Variants in RASSF8 observed in about 807,000 individuals in gnomAD.
RASSF8 encodes Ras association domain family member 8, also known as ras association domain-containing protein 8.
Under a neutral mutation model 48.5 loss-of-function variants are expected in RASSF8, and 22 were observed. The ratio of observed to expected loss-of-function variants is 0.45; its 90% CI spans 0.32 to 0.65. RASSF8 has a LOEUF of 0.65. RASSF8 is among the 30% of genes least tolerant of loss of function. The probability of loss-of-function intolerance (pLI) is 0.03; values close to 1 mark genes in which losing one functional copy is unlikely to be tolerated. For synonymous variants in RASSF8, 127 were observed against 171.5 expected, an observed-to-expected ratio of 0.74 and a Z score of 2.03; for missense variants, 418 against 489.2, an observed-to-expected ratio of 0.85 and a Z score of 1.37.
At position 26,071,509 on chromosome 12, in the gene RASSF8, A is replaced by T. The variant is rs1943999864; in HGVS notation, c.*2691A>T. ...TTACCAAGAAATAATTTGGAATAGC[A>T]TTGGTATATTTGACCTTTTGAGTGT... On this transcript the variant is annotated 3_prime_UTR_variant, in exon 6 of 6. Transcript: ENST00000689635. 2 of 966,730 alleles carry T rather than the reference A, an allele frequency of 2.1e-6. No individual in the cohort carries two copies. Among genetic ancestry groups the T allele is most frequent in the Non-Finnish European group, 2.5e-6 (2 of 812,934 alleles). 59.9% of individuals were successfully genotyped at this position (966,730 alleles called of 1,614,324 possible).
downstream of RASSF8, among the ~76,000 whole-genome samples, chr12:26,073,746 T>TCTCTACAC (rs10678881): frequency 2.4e-4 from 11 of 46,404 alleles, no homozygotes; most frequent in African/African-American, 8.9e-4. Context: ...TCTCTCTCTC[T>TCTCTACAC]ATACACACAC....
chr12:26,038,902 C>A (rs1334143329), intron 2 of RASSF8, among the ~76,000 whole-genome samples: 1 of 152,218 alleles, frequency 6.6e-6, no homozygotes, highest in Non-Finnish European at 1.5e-5. Context: ...GGTACATGCA[C>A]AGATATTTAT....
At chr12:26,043,327 T>G (rs1247093327) in intron 2 of RASSF8, among the ~76,000 whole-genome samples, 1 of 150,670 alleles carries the variant, frequency 6.6e-6, no homozygotes, top group Non-Finnish European at 1.5e-5. Flanking sequence ...CTTGGGAGAG[T>G]GATAGATTGA....
intron 2 of RASSF8, among the ~76,000 whole-genome samples, chr12:26,052,332 G>T (rs2137222606): frequency 6.6e-6 from 1 of 152,256 alleles, no homozygotes; most frequent in Non-Finnish European, 1.5e-5. Flanking sequence ...ACAATAAATG[G>T]TTCTTAGCTA....
chr12:26,057,533 G>A (rs1943633464), intron 3 of RASSF8, among the ~76,000 whole-genome samples: 1 of 152,140 alleles, frequency 6.6e-6, no homozygotes, highest in South Asian at 2.1e-4. Flanking sequence ...ATCATTGATG[G>A]ACACTTGGGT....
chr12:26,003,665 A>T (rs1942315599), intron 2 of RASSF8, among the ~76,000 whole-genome samples: 1 of 152,188 alleles, frequency 6.6e-6, no homozygotes, highest in South Asian at 2.1e-4. Flanking sequence ...TAAAGTGTTA[A>T]TGATGATTTT....
At position 26,069,182 on chromosome 12, in the gene RASSF8, T is replaced by C. The variant is rs1246800999; in HGVS notation, c.*364T>C. ...GACTGGCTTAGTTTAATTTATTTCA[T>C]GTAATCAATGTGTGAATGTTGATGT... On this transcript the variant is annotated 3_prime_UTR_variant, in exon 6 of 6. Transcript: ENST00000689635. 3.0e-6 allele frequency: 3 copies of C among 992,264 alleles called. No individual in the cohort carries two copies. Among genetic ancestry groups the C allele is most frequent in the Admixed American group, 1.1e-4 (2 of 17,606 alleles). The allele number at this position is 992,264 out of a possible 1,614,324, so 61.5% of individuals were successfully genotyped here.
Position 25,958,765 on chromosome 12 carries a change from G to GCCGCGCCCCGCT in RASSF8, c.-584_-573dup, listed in dbSNP as rs1941145719. 6.8e-6 allele frequency among the ~76,000 whole-genome samples: 1 copy of GCCGCGCCCCGCT among 146,334 alleles called. No homozygotes were observed. Among genetic ancestry groups the GCCGCGCCCCGCT allele is most frequent in the African/African-American group, 2.5e-5 (1 of 40,750 alleles). On this transcript the variant is annotated 5_prime_UTR_variant, in exon 1 of 6. Transcript: ENST00000689635. ...CGCCCGCGCTCGTCCGGCGCCCCGC[G>GCCGCGCCCCGCT]CCGCGCCCCGCTCAGCGTCTGCCGC...
intron 1 of RASSF8, among the ~76,000 whole-genome samples, chr12:25,990,783 A>G (rs566856141): frequency 6.6e-6 from 1 of 152,350 alleles, no homozygotes; most frequent in African/African-American, 2.4e-5. Flanking sequence ...TAGTATTTAT[A>G]GTTTATTTTG....
chr12:26,048,414 G>A (rs1943418496), intron 2 of RASSF8, among the ~76,000 whole-genome samples: 1 of 151,978 alleles, frequency 6.6e-6, no homozygotes, highest in Non-Finnish European at 1.5e-5. Flanking sequence ...AGAGAGGAGG[G>A]GGAAAAAAAG....
intron 3 of RASSF8, among the ~76,000 whole-genome samples, chr12:26,057,586 A>G (rs1943634700): frequency 6.6e-6 from 1 of 152,176 alleles, no homozygotes; most frequent in East Asian, 1.9e-4. Flanking sequence ...TGCAATAAAC[A>G]TACGTGTGCG....
intron 2 of RASSF8, among the ~76,000 whole-genome samples, chr12:26,020,970 T>C (rs575271534): frequency 6.6e-6 from 1 of 152,306 alleles, no homozygotes; most frequent in Non-Finnish European, 1.5e-5. Flanking sequence ...TCTAGCACTT[T>C]GTAAAGTTGC....
chr12:26,065,056 A>T lies in RASSF8; in HGVS notation c.662A>T (p.Glu221Val). Residue 221 changes from glutamate to valine, a missense_variant, in exon 4 of 6, where the codon GAG (glutamate) becomes GTG (valine). Coordinates refer to ENST00000689635, the MANE Select transcript of RASSF8 (RefSeq NM_001394098.1). ...ATCAAAAGAAACGATGTAGAAATTG[A>T]GGAGGAAGAATTCTGGGAAAATGAA... Reference protein sequence around the residue: ...QKIKRNDVEIEEEEFWENELQ... With the variant: ...QKIKRNDVEIVEEEFWENELQ... 1 of 1,613,792 alleles carries T rather than the reference A, an allele frequency of 6.2e-7. No individual in the cohort carries two copies.
intron 2 of RASSF8, among the ~76,000 whole-genome samples, chr12:26,041,330 CT>C (rs1161800148): frequency 1.3e-5 from 2 of 152,054 alleles, no homozygotes; most frequent in African/African-American, 4.8e-5. Context: ...GATTTTCATT[CT>C]TTCTTAGAGG....
intron 2 of RASSF8, among the ~76,000 whole-genome samples, chr12:26,014,864 CCTTTGAGACCTTA>C (rs896254642): frequency 1.3e-5 from 2 of 151,806 alleles, no homozygotes; most frequent in African/African-American, 2.4e-5. Flanking sequence ...GGTCCTTTTT[CCTTTGAGACCTTA>C]CTATACTTCA....
chr12:25,968,297 A>G (rs1298191692), intron 1 of RASSF8, among the ~76,000 whole-genome samples: 1 of 151,582 alleles, frequency 6.6e-6, no homozygotes, highest in African/African-American at 2.4e-5. Context: ...CCATCTTGAA[A>G]CGTTGCTTCC....
At position 26,064,991 on chromosome 12, in the gene RASSF8, T is replaced by C. The variant is rs762692842; in HGVS notation, c.597T>C (p.Asn199=). The C allele has an allele frequency of 1.2e-6, 2 of 1,613,308 alleles. No individual in the cohort carries two copies. The highest frequency in any genetic ancestry group is 1.7e-6 in the Non-Finnish European group (2 of 1,179,820). Reference sequence around the variant, plus strand: ...TAAGATTTTGGGAGCAAAAGTATAATTCCAACCTTGAAGAGGAAATTGTCC... The same window carrying C: ...TAAGATTTTGGGAGCAAAAGTATAACTCCAACCTTGAAGAGGAAATTGTCC... ...IEIRFWEQKY[N]SNLEEEIVRL... The change falls in exon 4 of 6, where the codon AAT becomes AAC. Residue 199 remains asparagine (N), a synonymous_variant. Coordinates refer to ENST00000689635, the MANE Select transcript of RASSF8 (RefSeq NM_001394098.1).
intron 2 of RASSF8, among the ~76,000 whole-genome samples, chr12:26,047,057 G>T (rs781049796): frequency 6.6e-6 from 1 of 152,142 alleles, no homozygotes; most frequent in African/African-American, 2.4e-5. Flanking sequence ...GAGCTTTAAC[G>T]GGAGTTAAAC....
chr12:26,020,396 A>T (rs1258183959), intron 2 of RASSF8: 1 of 152,206 alleles, frequency 6.6e-6, no homozygotes, highest in African/African-American at 2.4e-5. Context: ...ATGCTCCCCC[A>T]GTTTGTGGTA....
Sources: allele counts gnomAD v4.1 joint callset (sites outside exome capture counted in the v4.1 genomes callset), GRCh38; gene constraint gnomAD v4.1.1; transcripts MANE v1.5; gene names NCBI Gene and HGNC (gene_info 2026-07-23, HGNC 2026-07-21).